PTPRO: variants seen among roughly 807,000 people sequenced by gnomAD.
PTPRO encodes protein tyrosine phosphatase receptor type O.
In PTPRO, 62 loss-of-function variants were observed where a neutral mutation model predicts 145.2. The ratio of observed to expected loss-of-function variants is 0.43; its 90% confidence interval spans 0.35 to 0.53. The LOEUF (loss-of-function observed/expected upper bound fraction) is 0.53. PTPRO is among the 20% of genes least tolerant of loss of function. The pLI is 0.01. For synonymous variants in PTPRO, 565 were observed against 514.7 expected (o/e 1.10, Z -1.32); for missense variants, 1,345 against 1,482.7 (o/e 0.91, Z 1.53).
At chr12:15,537,810 G>A (rs976178519) in intron 12 of PTPRO, among the ~76,000 whole-genome samples, 62 of 152,168 alleles carry the variant, frequency 4.1e-4, no homozygotes, top group African/African-American at 9.7e-4. Context: ...TGGAGCAGAG[G>A]AGATGGAACC....
intron 7 of PTPRO, among the ~76,000 whole-genome samples, chr12:15,509,659 C>T (rs1282442633): frequency 1.5e-5 from 2 of 129,048 alleles, no homozygotes; most frequent in Non-Finnish European, 3.4e-5. Flanking sequence ...TGTACTCCAG[C>T]CTGGGCAACA....
intron 1 of PTPRO, among the ~76,000 whole-genome samples, chr12:15,396,399 T>C (rs966859330): frequency 6.6e-6 from 1 of 152,112 alleles, no homozygotes; most frequent in African/African-American, 2.4e-5. Context: ...GATAAAAACA[T>C]AAATTTCTTA....
chr12:15,570,190 T>C (rs1944011085), intron 19 of PTPRO, among the ~76,000 whole-genome samples: 1 of 152,206 alleles, frequency 6.6e-6, no homozygotes, highest in African/African-American at 2.4e-5. Context: ...TTCTCACTTT[T>C]TCTTTCTACA....
chr12:15,349,102 A>G (rs1937705046), intron 1 of PTPRO, among the ~76,000 whole-genome samples: 1 of 152,252 alleles, frequency 6.6e-6, no homozygotes, highest in Non-Finnish European at 1.5e-5. Flanking sequence ...CCGATACAGT[A>G]TAATAAAACT....
intron 15 of PTPRO, among the ~76,000 whole-genome samples, chr12:15,556,618 T>C (rs1943634035): frequency 6.6e-6 from 1 of 152,152 alleles, no homozygotes; most frequent in South Asian, 2.1e-4. Context: ...ACTCTTTTAT[T>C]CTAATCTCCA....
Position 15,574,277 on chromosome 12 carries a change from G to A in PTPRO, c.2830-4576G>A, listed in dbSNP as rs187452990. Among the ~76,000 whole-genome samples the A allele has an allele frequency of 2.5e-3, 378 of 152,216 alleles. 4 individuals carry two copies. Among genetic ancestry groups the A allele is most frequent in the African/African-American group, 8.5e-3 (352 of 41,542 alleles). ...TATCCTTCTGATAAAAATATACACC[G>A]TTCCTTTAAAAGTCTTGGGACCCAG... On this transcript the variant is annotated intron_variant, in intron 19 of 26. Transcript: ENST00000281171.
intron 19 of PTPRO, among the ~76,000 whole-genome samples, chr12:15,574,384 G>T (rs912578822): frequency 9.9e-5 from 15 of 152,178 alleles, no homozygotes; most frequent in African/African-American, 3.6e-4. Context: ...AAATGTGAGA[G>T]CCCAGAAGAC....
rs571626480 is a variant in PTPRO at position 15,356,278 on chromosome 12, A to G, written c.75+33477A>G. 2.6e-5 allele frequency among the ~76,000 whole-genome samples: 4 copies of G among 152,314 alleles called. No homozygotes were observed. In the East Asian group the frequency reaches 7.7e-4, roughly 29 times the overall value. ...CATGTGATTTTTGTCTTGGAGCAAG[A>G]AATGCTCTACATAAGTGAATTTTCT... is the stretch of plus-strand genomic sequence containing the variant. On this transcript the variant is annotated intron_variant, in intron 1 of 26. Coordinates refer to ENST00000281171, the MANE Select transcript of PTPRO (RefSeq NM_030667.3).
chr12:15,513,162 A>G lies in PTPRO; in HGVS notation c.1465-2336A>G, dbSNP rs1274524491. Among the ~76,000 whole-genome samples, 7 of 20,452 alleles carry G rather than the reference A, an allele frequency of 3.4e-4. 1 individual carries two copies. Among genetic ancestry groups the G allele is most frequent in the African/African-American group, 1.1e-3 (7 of 6,232 alleles). 13.4% of individuals were successfully genotyped at this position (20,452 alleles called of 152,430 possible). ...AAGGAAGAAAGAAAGAAAGAAAAAG[A>G]AAGAAAGAAAGAAAGAAAGAAAGAA... On this transcript the variant is annotated intron_variant, in intron 7 of 26. Coordinates refer to ENST00000281171, the MANE Select transcript of PTPRO (RefSeq NM_030667.3).
chr12:15,565,309 A>G (rs1943869469), intron 17 of PTPRO: 1 of 289,794 alleles, frequency 3.5e-6, no homozygotes, highest in Non-Finnish European at 6.5e-6. Context: ...TTAGCAACTT[A>G]ATCAACAGCA....
intron 1 of PTPRO, among the ~76,000 whole-genome samples, chr12:15,345,768 C>A (rs938426753): frequency 2.6e-5 from 4 of 152,150 alleles, no homozygotes; most frequent in Non-Finnish European, 1.5e-5. Context: ...AAGATACTGT[C>A]TGGGAAGAGA....
chr12:15,433,089 T>C (rs1297372083), intron 1 of PTPRO, among the ~76,000 whole-genome samples: 1 of 152,162 alleles, frequency 6.6e-6, no homozygotes, highest in Admixed American at 6.5e-5. Flanking sequence ...ATTTTTGATG[T>C]CTTCACCATG....
At chr12:15,384,694 C>T (rs1407772705) in intron 1 of PTPRO, among the ~76,000 whole-genome samples, 2 of 152,142 alleles carry the variant, frequency 1.3e-5, no homozygotes, top group Admixed American at 1.3e-4. Flanking sequence ...TTGAGAGGAA[C>T]ACAATTTAGT....
Position 15,564,569 on chromosome 12 carries a change from C to A in PTPRO, c.2712-1024C>A, listed in dbSNP as rs1036725028. On this transcript the variant is annotated intron_variant, in intron 17 of 26. Coordinates refer to ENST00000281171, the MANE Select transcript of PTPRO (RefSeq NM_030667.3). ...CCGTTTGCAAAGTGCTGTGAAAGCA[C>A]AAAGTACTGCTTCGTCCTGCTAAAA... Among the ~76,000 whole-genome samples, 8 of 152,294 alleles carry A rather than the reference C, an allele frequency of 5.3e-5. No individual in the cohort carries two copies. In the East Asian group the frequency reaches 1.5e-3, roughly 29 times the overall value.
At chr12:15,366,753 C>A (rs1475691991) in intron 1 of PTPRO, among the ~76,000 whole-genome samples, 2 of 152,070 alleles carry the variant, frequency 1.3e-5, no homozygotes, top group African/African-American at 4.8e-5. Context: ...TGTGTAGGTT[C>A]TGTAAATAAC....
chr12:15,322,899 C>T lies in PTPRO; in HGVS notation c.75+98C>T, dbSNP rs1866341639. 1 of 1,249,128 alleles carries T rather than the reference C, an allele frequency of 8.0e-7. No homozygotes were observed. Among genetic ancestry groups the T allele is most frequent in the Admixed American group, 2.3e-5 (1 of 44,246 alleles). 77.4% of individuals were successfully genotyped at this position (1,249,128 alleles called of 1,614,324 possible). On this transcript the variant is annotated intron_variant, in intron 1 of 26. Transcript: ENST00000281171. This position sits in a 1 kb window ranked among gnomAD's most constrained non-coding sequence, Gnocchi z 6.3. ...GTTGGGAGCGGCGCGCCCCAGGGCA[C>T]GATGGCCCAGCCGCGGGAAGCGCCT...
chr12:15,565,790 G>A (rs539457429), intron 18 of PTPRO, among the ~76,000 whole-genome samples, 162 bp downstream of exon 18: 12 of 152,324 alleles, frequency 7.9e-5, no homozygotes, highest in South Asian at 2.1e-4. Flanking sequence ...TTATGCCTGA[G>A]TGGCAGTGGC....
intron 24 of PTPRO, 128 bp downstream of exon 24, chr12:15,587,179 A>G (rs1565447942): frequency 2.9e-6 from 3 of 1,041,218 alleles, no homozygotes; most frequent in African/African-American, 3.2e-5. Context: ...TTTTTAAACT[A>G]TGATTAATTG....
intron 1 of PTPRO, among the ~76,000 whole-genome samples, chr12:15,415,254 C>G (rs183300847): frequency 1.3e-5 from 2 of 152,286 alleles, no homozygotes; most frequent in Admixed American, 6.5e-5. Context: ...CCCTAAACAG[C>G]CTCTTTGCTA....
Sources: gnomAD v4.1 joint callset for allele counts (sites outside exome capture counted in the v4.1 genomes callset) on GRCh38, gnomAD v4.1.1 for gene constraint, Gnocchi (gnomAD v3.1) non-coding constraint, MANE v1.5 for transcripts, NCBI Gene and HGNC (gene_info 2026-07-23, HGNC 2026-07-21) for gene names.